Variants in AHI1 observed in about 807,000 individuals in gnomAD.
AHI1 encodes the protein jouberin.
Under a neutral mutation model 149.3 loss-of-function variants are expected in AHI1, and 123 were observed. The ratio of observed to expected loss-of-function variants is 0.82; its 90% CI spans 0.71 to 0.96. The LOEUF (loss-of-function observed/expected upper bound fraction) is 0.96. AHI1 is among the 40% of genes least tolerant of loss of function. The probability of loss-of-function intolerance (pLI) is 0.00; values close to 1 mark genes in which losing one functional copy is unlikely to be tolerated. For missense variants in AHI1, 1,439 were observed against 1,422.7 expected, an observed-to-expected ratio of 1.01 and a Z score of -0.18; for synonymous variants, 475 against 459.8, an observed-to-expected ratio of 1.03 and a Z score of -0.42.
chr6:135,287,173 A>T (rs2128337385), intron 28 of AHI1, among the ~76,000 whole-genome samples: 1 of 152,248 alleles, frequency 6.6e-6, no homozygotes, highest in Middle Eastern at 3.4e-3. Flanking sequence ...AATTAGTGAG[A>T]TGGATCCTGC....
intron 5 of AHI1, among the ~76,000 whole-genome samples, chr6:135,476,082 A>G (rs1285405648): frequency 6.6e-6 from 1 of 152,168 alleles, no homozygotes; most frequent in Non-Finnish European, 1.5e-5. Flanking sequence ...CCTCATTTTT[A>G]ATGTAATGCT....
Position 135,414,969 on chromosome 6 carries a change from C to A in AHI1, c.2765-3425G>T, listed in dbSNP as rs1189908100. ...CTAATGCTATCCCTCCCCCCTCCCC[C>A]CACCCCACAACAGGCCCCAGAGTGT... On this transcript the variant is annotated intron_variant, in intron 20 of 28. Coordinates refer to ENST00000265602, the MANE Select transcript of AHI1 (RefSeq NM_001134831.2). Among the ~76,000 whole-genome samples, 8 of 117,696 alleles carry A rather than the reference C, an allele frequency of 6.8e-5. 1 individual carries two copies. The highest frequency in any genetic ancestry group is 9.6e-5 in the African/African-American group (3 of 31,334). 77.2% of individuals were successfully genotyped at this position (117,696 alleles called of 152,430 possible). A position where few individuals can be genotyped will look rare whatever the true frequency, so the allele number is the denominator to read the frequency against.
intron 26 of AHI1, among the ~76,000 whole-genome samples, chr6:135,306,202 G>A (rs957857439): frequency 2.6e-5 from 4 of 152,218 alleles, no homozygotes; most frequent in Admixed American, 1.3e-4. Flanking sequence ...AAATGCCAAT[G>A]CTGGTAGGTG....
chr6:135,358,499 C>T (rs138724009), intron 23 of AHI1, among the ~76,000 whole-genome samples: 1 of 152,186 alleles, frequency 6.6e-6, no homozygotes, highest in South Asian at 2.1e-4. Context: ...TGCTGCTTTT[C>T]TTCCATGAAA....
chr6:135,410,370 T>A (rs981900666), intron 21 of AHI1, among the ~76,000 whole-genome samples: 1 of 152,162 alleles, frequency 6.6e-6, no homozygotes, highest in African/African-American at 2.4e-5. Context: ...ACCCTGTCTC[T>A]AAATTAAAAC....
chr6:135,387,486 G>A (rs1042807528), intron 23 of AHI1, among the ~76,000 whole-genome samples: 6 of 152,094 alleles, frequency 3.9e-5, no homozygotes, highest in Non-Finnish European at 5.9e-5. Flanking sequence ...TGCCAAAGAC[G>A]GCTTAAGGGT....
intron 20 of AHI1, among the ~76,000 whole-genome samples, chr6:135,418,824 T>C (rs939901848): frequency 3.9e-5 from 6 of 152,088 alleles, no homozygotes; most frequent in African/African-American, 1.4e-4. Flanking sequence ...CTATAAACTA[T>C]TATATTTCCA....
At chr6:135,405,098 C>T (rs1780569058) in intron 21 of AHI1, 121 bp from the exon 22 acceptor site, 5 of 769,282 alleles carry the variant, frequency 6.5e-6, no homozygotes, top group Admixed American at 4.7e-5. Context: ...TTTCTTTATC[C>T]ATTATCCTGC....
chr6:135,455,527 A>T (rs1788793397), intron 10 of AHI1, among the ~76,000 whole-genome samples: 2 of 152,248 alleles, frequency 1.3e-5, no homozygotes, highest in African/African-American at 4.8e-5. Flanking sequence ...CCAAATGGTT[A>T]AATAGTAAAC....
At chr6:135,296,612 C>T (rs911103279) in intron 27 of AHI1, among the ~76,000 whole-genome samples, 2 of 152,092 alleles carry the variant, frequency 1.3e-5, no homozygotes, top group Admixed American at 1.3e-4. Context: ...TACTCAATTC[C>T]CTGCCTCCTT....
intron 20 of AHI1, among the ~76,000 whole-genome samples, chr6:135,426,845 A>T (rs1328202944): frequency 1.3e-5 from 2 of 151,678 alleles, no homozygotes; most frequent in Non-Finnish European, 3.0e-5. Context: ...CAAAACTACA[A>T]TTTATTAAAA....
intron 25 of AHI1, among the ~76,000 whole-genome samples, chr6:135,319,425 A>G (rs1316059476): frequency 1.3e-5 from 2 of 152,334 alleles, no homozygotes; most frequent in East Asian, 3.9e-4. Context: ...CAGTGAGCCA[A>G]GACAGCGCCA....
chr6:135,332,626 A>C (rs1254316351), intron 24 of AHI1, among the ~76,000 whole-genome samples: 2 of 152,250 alleles, frequency 1.3e-5, no homozygotes, highest in African/African-American at 2.4e-5. Flanking sequence ...CTTCCAAGAA[A>C]TTGGGAGAGA....
intron 13 of AHI1, among the ~76,000 whole-genome samples, chr6:135,445,016 A>C (rs1786946561): frequency 6.6e-6 from 1 of 152,234 alleles, no homozygotes; most frequent in Non-Finnish European, 1.5e-5. Context: ...AGCATATCTG[A>C]AAATAAACAA....
In AHI1 at chr6:135,427,221, A is replaced by G. The variant is rs2128005774; in HGVS notation, c.2710T>C (p.Phe904Leu). 1.2e-6 allele frequency: 2 copies of G among 1,610,842 alleles called. No homozygotes were observed. The highest frequency in any genetic ancestry group is 4.5e-5 in the East Asian group (2 of 44,710). The change falls in exon 20 of 29, where the codon TTC (phenylalanine) becomes CTC (leucine). Residue 904 changes from phenylalanine to leucine, a missense_variant. Phe to Leu is a conservative substitution (Grantham distance 22). Transcript: ENST00000265602. ...GGCTCATTTTGCCCAAATGCACAGAATGCAACCATATTTTCAAATGGATGA... is the reference window on the plus strand; with the variant it reads ...GGCTCATTTTGCCCAAATGCACAGAGTGCAACCATATTTTCAAATGGATGA... ...SYHPFENMVA[F>L]CAFGQNEPIL...
chr6:135,364,092 G>T (rs917912032), intron 23 of AHI1, among the ~76,000 whole-genome samples: 6 of 151,010 alleles, frequency 4.0e-5, no homozygotes, highest in Admixed American at 2.6e-4. Context: ...CCTCCCTCCC[G>T]GACGAGGTGG....
rs1795358176 is a variant in AHI1 at position 135,492,301 on chromosome 6, C to T, written c.-54-10G>A. Reference sequence around the variant, plus strand: ...TGACTCAATCAGGATCCTATCGAAACAAAGGAGATGTATTTGTAATATGGA... The same window carrying T: ...TGACTCAATCAGGATCCTATCGAAATAAAGGAGATGTATTTGTAATATGGA... On this transcript the variant is annotated splice_polypyrimidine_tract_variant and intron_variant, in intron 3 of 28. Transcript: ENST00000265602. The T allele has an allele frequency of 2.0e-6, 3 of 1,490,796 alleles. No individual in the cohort carries two copies. The South Asian group carries it at 4.3e-5, about 21-fold the overall frequency. The allele number at this position is 1,490,796 out of a possible 1,614,324, so 92.3% of individuals were successfully genotyped here.
Position 135,492,364 on chromosome 6 carries a change from G to A in AHI1, c.-54-73C>T, listed in dbSNP as rs1158439635. Reference sequence around the variant, plus strand: ...AAATTATAAAACGTTCTTCACACAAGATCATGCCATTGTATGTCCACTACT... The same window carrying A: ...AAATTATAAAACGTTCTTCACACAAAATCATGCCATTGTATGTCCACTACT... On this transcript the variant is annotated intron_variant, in intron 3 of 28. Transcript: ENST00000265602. 6 of 1,442,848 alleles carry A rather than the reference G, an allele frequency of 4.2e-6. No homozygotes were observed. The African/African-American group carries it at 8.6e-5, about 21-fold the overall frequency. 89.4% of individuals were successfully genotyped at this position (1,442,848 alleles called of 1,614,324 possible).
At chr6:135,365,714 T>G (rs1007597439) in intron 23 of AHI1, among the ~76,000 whole-genome samples, 2 of 152,200 alleles carry the variant, frequency 1.3e-5, no homozygotes, top group Non-Finnish European at 2.9e-5. Context: ...GCTTTTTGGA[T>G]GAGTCTTTAG....
Sources: gnomAD v4.1 joint callset for allele counts (sites outside exome capture counted in the v4.1 genomes callset) on GRCh38, gnomAD v4.1.1 for gene constraint, MANE v1.5 for transcripts, NCBI Gene and HGNC (gene_info 2026-07-23, HGNC 2026-07-21) for gene names.